FCER1A: variants seen among roughly 807,000 people sequenced by gnomAD.
The protein encoded by FCER1A is Fc epsilon receptor Ia, also known as high affinity immunoglobulin epsilon receptor subunit alpha.
A neutral mutation model predicts 23.6 loss-of-function variants in FCER1A; 24 were observed. The ratio of observed to expected loss-of-function variants is 1.02; its 90% CI spans 0.74 to 1.43. FCER1A has a LOEUF of 1.43. FCER1A is among the 40% of genes most tolerant of loss of function. FCER1A has a pLI of 0.00. For synonymous variants in FCER1A, 121 were observed against 108.8 expected (o/e 1.11, Z -0.70); for missense variants, 318 against 294.5 (o/e 1.08, Z -0.58).
intron 3 of FCER1A, among the ~76,000 whole-genome samples, 174 bp from the exon 4 acceptor site, chr1:159,305,814 G>A (rs1250224278): frequency 6.6e-6 from 1 of 152,192 alleles, no homozygotes; most frequent in Non-Finnish European, 1.5e-5. Context: ...CAATACACAA[G>A]ACAGGCTCTA....
chr1:159,296,540 G>A (rs1477428454), intron 1 of FCER1A, among the ~76,000 whole-genome samples: 2 of 152,166 alleles, frequency 1.3e-5, no homozygotes, highest in African/African-American at 4.8e-5. Context: ...ATACATGGTA[G>A]TTTCTTTTCT....
upstream of FCER1A, among the ~76,000 whole-genome samples, chr1:159,299,197 A>T (rs528747964): frequency 6.6e-6 from 1 of 152,318 alleles, no homozygotes; most frequent in South Asian, 2.1e-4. Flanking sequence ...AGAGATCAAC[A>T]TTTGTTAGGT....
chr1:159,289,411 G>A (rs752997787), upstream of FCER1A, among the ~76,000 whole-genome samples: 1 of 152,164 alleles, frequency 6.6e-6, no homozygotes, highest in Non-Finnish European at 1.5e-5. Flanking sequence ...GGCCTGCAGA[G>A]GACCTTAGCA....
upstream of FCER1A, among the ~76,000 whole-genome samples, chr1:159,297,475 A>G (rs919894860): frequency 6.6e-6 from 1 of 152,166 alleles, no homozygotes; most frequent in Non-Finnish European, 1.5e-5. Flanking sequence ...GTATTCATGA[A>G]AACTAGTATA....
upstream of FCER1A, among the ~76,000 whole-genome samples, chr1:159,288,851 C>A (rs61828219): frequency 0.12 from 19,012 of 152,186 alleles, 1,562 homozygotes; most frequent in Admixed American, 0.17. Context: ...AGGAGCCTCA[C>A]AATTTAGTAC....
At chr1:159,304,218 T>C in intron 3 of FCER1A, 36 bp downstream of exon 3, 1 of 1,591,442 alleles carries the variant, frequency 6.3e-7, no homozygotes, top group South Asian at 1.1e-5. Context: ...AGATCTCTCA[T>C]GTGAGGGATG....
chr1:159,284,230 A>G, the FCER1A span, among the ~76,000 whole-genome samples: 2 of 152,174 alleles, frequency 1.3e-5, no homozygotes, highest in Admixed American at 6.5e-5. Flanking sequence ...TCTCACTGAC[A>G]TACATCTCAG....
intron 1 of FCER1A, 113 bp downstream of exon 1, chr1:159,302,532 T>C (rs1557969228): frequency 3.6e-6 from 3 of 829,238 alleles, no homozygotes; most frequent in East Asian, 2.4e-5. Flanking sequence ...GTGCAAACTA[T>C]TGGGCATTTC....
intron 3 of FCER1A, 122 bp downstream of exon 3, chr1:159,304,304 T>A: frequency 9.6e-6 from 9 of 935,310 alleles, no homozygotes; most frequent in Non-Finnish European, 1.3e-5. Flanking sequence ...CCTCTCATTT[T>A]TAAGACCCCT....
intron 1 of FCER1A, among the ~76,000 whole-genome samples, chr1:159,295,481 A>C (rs1557967457): frequency 6.6e-6 from 1 of 152,184 alleles, no homozygotes; most frequent in Non-Finnish European, 1.5e-5. Context: ...AAAACGTACA[A>C]ATTTTCTAAT....
upstream of FCER1A, among the ~76,000 whole-genome samples, chr1:159,298,993 G>T (rs1223219036): frequency 2.6e-5 from 4 of 152,158 alleles, no homozygotes; most frequent in African/African-American, 9.7e-5. Context: ...TATCTATCTG[G>T]TCATGAGCAT....
chr1:159,304,329 C>T, intron 3 of FCER1A, 147 bp downstream of exon 3: 2 of 743,968 alleles, frequency 2.7e-6, no homozygotes, highest in Non-Finnish European at 4.3e-6. Flanking sequence ...TGGCTGGGCA[C>T]AGTGGCTCAC....
At chr1:159,290,188 A>G (rs1198312977) in intron 1 of FCER1A, among the ~76,000 whole-genome samples, 2 of 152,130 alleles carry the variant, frequency 1.3e-5, no homozygotes, top group Non-Finnish European at 2.9e-5. Context: ...CGCCCACTCC[A>G]GAGCCTCTTG....
At position 159,305,984 on chromosome 1, in the gene FCER1A, T is replaced by C. The variant is rs1340176455; in HGVS notation, c.332-4T>C. ...AAATAAATAATGTAATGAATGTTCT[T>C]CAGACTGGCTGCTCCTTCAGGCCTC... On this transcript the variant is annotated splice_polypyrimidine_tract_variant and splice_region_variant and intron_variant, in intron 3 of 4. Transcript: ENST00000693622. The C allele has an allele frequency of 1.7e-5, 28 of 1,613,124 alleles. No homozygotes were observed. The East Asian group carries it at 6.2e-4, about 36-fold the overall frequency.
At chr1:159,293,168 C>CTGTGTG (rs10632832) in intron 1 of FCER1A, among the ~76,000 whole-genome samples, 2,726 of 145,898 alleles carry the variant, frequency 0.019, 78 homozygotes, top group African/African-American at 0.061. Flanking sequence ...TACATACACA[C>CTGTGTG]TGTGTGTGTG....
chr1:159,302,721 A>T (rs987266623), intron 1 of FCER1A, 133 bp from the exon 2 acceptor site: 24 of 841,472 alleles, frequency 2.9e-5, no homozygotes, highest in Non-Finnish European at 4.9e-5. Flanking sequence ...TCTTCCCCTG[A>T]TTCTGATTCC....
At chr1:159,284,246 C>A in the FCER1A span, among the ~76,000 whole-genome samples, 2 of 152,176 alleles carry the variant, frequency 1.3e-5, no homozygotes, top group Admixed American at 6.5e-5. Context: ...CTCAGCCCTA[C>A]TTTTCCATTT....
upstream of FCER1A, among the ~76,000 whole-genome samples, chr1:159,285,009 T>C (rs879271791): frequency 1.3e-5 from 2 of 152,220 alleles, no homozygotes; most frequent in Non-Finnish European, 2.9e-5. Context: ...AAAAGTTTTT[T>C]TGAGTCTAGA....
At chr1:159,284,263 A>T in the FCER1A span, among the ~76,000 whole-genome samples, 5 of 152,094 alleles carry the variant, frequency 3.3e-5, no homozygotes, top group African/African-American at 4.8e-5. Context: ...ATTTAGGGAG[A>T]TCCATCACCC....
Sources: gnomAD v4.1 joint callset for allele counts (sites outside exome capture counted in the v4.1 genomes callset) on GRCh38, gnomAD v4.1.1 for gene constraint, MANE v1.5 for transcripts, NCBI Gene and HGNC (gene_info 2026-07-23, HGNC 2026-07-21) for gene names.